The following SLC38A12 variants were observed in gnomAD, a reference collection of about 807,000 sequenced individuals.
SLC38A12 encodes the protein solute carrier family 38 member 12.
chr17:74,831,681 T>C, the SLC38A12 span, among the ~76,000 whole-genome samples: 2 of 152,226 alleles, frequency 1.3e-5, no homozygotes, highest in East Asian at 3.9e-4. Context: ...TGATAGGCTC[T>C]TGGGGAACTG....
At chr17:74,807,030 C>T in the SLC38A12 span, among the ~76,000 whole-genome samples, 1 of 152,170 alleles carries the variant, frequency 6.6e-6, no homozygotes, top group Non-Finnish European at 1.5e-5. Context: ...AGCTCCTCTC[C>T]AGAAAGCAAA....
At chr17:74,835,505 G>A in the SLC38A12 span, among the ~76,000 whole-genome samples, 1 of 152,148 alleles carries the variant, frequency 6.6e-6, no homozygotes, top group Non-Finnish European at 1.5e-5. Context: ...GGGAGAGAGG[G>A]TGACCCTGTG....
At chr17:74,828,401 C>T in the SLC38A12 span, among the ~76,000 whole-genome samples, 2 of 152,198 alleles carry the variant, frequency 1.3e-5, no homozygotes, top group African/African-American at 4.8e-5. Flanking sequence ...GTGCACAACT[C>T]GGACACCCAA....
At chr17:74,800,288 G>A in the SLC38A12 span, among the ~76,000 whole-genome samples, 17 of 152,358 alleles carry the variant, frequency 1.1e-4, no homozygotes, top group Non-Finnish European at 2.2e-4. Context: ...CATGTTCCCT[G>A]GTGAGTGAGC....
the SLC38A12 span, among the ~76,000 whole-genome samples, chr17:74,783,204 T>TA: frequency 6.6e-6 from 1 of 152,178 alleles, no homozygotes; most frequent in African/African-American, 2.4e-5. Context: ...ACGTCAGAGA[T>TA]AAGCAGGGTC....
At chr17:74,835,967 G>T in the SLC38A12 span, 2 of 1,611,456 alleles carry the variant, frequency 1.2e-6, no homozygotes, top group Admixed American at 1.7e-5. Flanking sequence ...TCCGCATCGG[G>T]CACGGACAAG....
the SLC38A12 span, among the ~76,000 whole-genome samples, chr17:74,830,766 A>T: frequency 6.6e-6 from 1 of 152,258 alleles, no homozygotes; most frequent in East Asian, 1.9e-4. Flanking sequence ...GTTTTATCTC[A>T]GCTCCAAGAC....
the SLC38A12 span, chr17:74,777,532 T>A: frequency 6.5e-7 from 1 of 1,543,658 alleles, no homozygotes; most frequent in African/African-American, 1.4e-5. Context: ...ACTACAGTGC[T>A]GCTGTGGTGG....
the SLC38A12 span, among the ~76,000 whole-genome samples, chr17:74,782,479 C>A: frequency 6.6e-6 from 1 of 152,290 alleles, no homozygotes; most frequent in South Asian, 2.1e-4. Flanking sequence ...GCACAGGGCC[C>A]GGTCTGTAGA....
chr17:74,816,473 G>T, the SLC38A12 span, among the ~76,000 whole-genome samples: 3 of 152,342 alleles, frequency 2.0e-5, no homozygotes, highest in South Asian at 6.2e-4. Flanking sequence ...AGCATTGCCT[G>T]CAGTGCCCTG....
chr17:74,789,543 CAAAA>C, the SLC38A12 span, among the ~76,000 whole-genome samples: 3 of 110,710 alleles, frequency 2.7e-5, no homozygotes, highest in Non-Finnish European at 3.7e-5. Context: ...GCAAGCATTT[CAAAA>C]AAAAAAAAAA....
chr17:74,838,038 C>T, the SLC38A12 span: 19 of 985,872 alleles, frequency 1.9e-5, no homozygotes, highest in African/African-American at 2.1e-4. Context: ...GACAGAGCGA[C>T]GATGTAGGGT....
the SLC38A12 span, chr17:74,839,288 A>C: frequency 1.4e-5 from 15 of 1,057,936 alleles, no homozygotes; most frequent in Non-Finnish European, 2.0e-5. Context: ...GGCAGGGAGC[A>C]GCCTCGGCAA....
chr17:74,804,512 A>G, the SLC38A12 span, among the ~76,000 whole-genome samples: 2 of 152,342 alleles, frequency 1.3e-5, no homozygotes, highest in African/African-American at 4.8e-5. Context: ...CACATTAATG[A>G]TGATATCGGA....
the SLC38A12 span, among the ~76,000 whole-genome samples, chr17:74,776,885 C>T: frequency 1.3e-5 from 2 of 152,170 alleles, no homozygotes; most frequent in Non-Finnish European, 2.9e-5. Flanking sequence ...GTTCCTTGGG[C>T]TCCCATGTGT....
At chr17:74,834,682 G>T in the SLC38A12 span, among the ~76,000 whole-genome samples, 1 of 152,218 alleles carries the variant, frequency 6.6e-6, no homozygotes, top group African/African-American at 2.4e-5. Context: ...CGAGCTGTGA[G>T]CTGGCCTCTT....
the SLC38A12 span, among the ~76,000 whole-genome samples, chr17:74,821,285 GC>G: frequency 6.6e-6 from 1 of 152,232 alleles, no homozygotes; most frequent in East Asian, 1.9e-4. Context: ...CCGTCCTTGG[GC>G]ATCAAGCTGA....
the SLC38A12 span, chr17:74,777,138 G>T: frequency 1.5e-6 from 1 of 660,748 alleles, no homozygotes; most frequent in Non-Finnish European, 2.7e-6. Flanking sequence ...GGTGAGTCTT[G>T]TGACAGATAC....
chr17:74,834,412 C>G, the SLC38A12 span, among the ~76,000 whole-genome samples: 1 of 152,118 alleles, frequency 6.6e-6, no homozygotes, highest in Non-Finnish European at 1.5e-5. Flanking sequence ...TTTCTCAGGC[C>G]GGTTTCCACG....
Sources: allele counts gnomAD v4.1 joint callset (sites outside exome capture counted in the v4.1 genomes callset), GRCh38; gene constraint gnomAD v4.1.1; transcripts MANE v1.5; gene names NCBI Gene and HGNC (gene_info 2026-07-23, HGNC 2026-07-21).